Variants in SLC9C2 observed in about 807,000 individuals in gnomAD.
The protein encoded by SLC9C2 is sodium/hydrogen exchanger 11.
Under a neutral mutation model 140.2 loss-of-function variants are expected in SLC9C2, and 75 were observed. The observed-to-expected ratio is 0.53, with a 90% CI of 0.44 to 0.65. The LOEUF (loss-of-function observed/expected upper bound fraction) is 0.65, where lower values mean the gene tolerates loss of function less well. Ranked by LOEUF, SLC9C2 falls within the 30% of genes least tolerant of loss-of-function variation. The probability of loss-of-function intolerance (pLI) is 0.00; values close to 1 mark genes in which losing one functional copy is unlikely to be tolerated. For missense variants in SLC9C2, 1,074 were observed against 1,331.8 expected, an observed-to-expected ratio of 0.81 and a Z score of 3.01; for synonymous variants, 375 against 420.9, an observed-to-expected ratio of 0.89 and a Z score of 1.34.
intron 4 of SLC9C2, among the ~76,000 whole-genome samples, chr1:173,595,635 T>C (rs905170957): frequency 2.0e-5 from 3 of 151,828 alleles, no homozygotes; most frequent in East Asian, 1.9e-4. Context: ...AAATAGAACA[T>C]AAAATTTTTA....
intron 4 of SLC9C2, among the ~76,000 whole-genome samples, chr1:173,589,583 A>C (rs959414530): frequency 6.6e-6 from 1 of 152,074 alleles, no homozygotes; most frequent in African/African-American, 2.4e-5. Context: ...TATATAAATA[A>C]ATAAAAAGAA....
intron 23 of SLC9C2, among the ~76,000 whole-genome samples, chr1:173,516,470 C>A (rs1364926694): frequency 1.3e-5 from 2 of 152,290 alleles, no homozygotes; most frequent in Middle Eastern, 3.4e-3. Context: ...CTTCCACCCT[C>A]CACCCTCCAA....
intron 2 of SLC9C2, among the ~76,000 whole-genome samples, 198 bp from the exon 3 acceptor site, chr1:173,600,415 TTC>T (rs1239663090): frequency 2.0e-5 from 3 of 151,682 alleles, no homozygotes; most frequent in Non-Finnish European, 2.9e-5. Flanking sequence ...CGTACAACTA[TTC>T]TGTTTTTCAC....
chr1:173,507,442 G>C (rs772386423), intron 24 of SLC9C2, among the ~76,000 whole-genome samples: 1 of 152,080 alleles, frequency 6.6e-6, no homozygotes, highest in Non-Finnish European at 1.5e-5. Flanking sequence ...TAGAGTCTGA[G>C]CTATACTTCA....
At chr1:173,545,383 G>T (rs1421894794) in intron 13 of SLC9C2, among the ~76,000 whole-genome samples, 1 of 152,182 alleles carries the variant, frequency 6.6e-6, no homozygotes, top group Non-Finnish European at 1.5e-5. Context: ...TACAAGCATG[G>T]ATTATTTCCT....
chr1:173,601,853 A>AT lies in SLC9C2; in HGVS notation c.-78_-77insA. ...ATTGACACTTTCACTTCTGCATGCT[A>AT]ACCTGTATAGCATGCAAAAAGAACA... On this transcript the variant is annotated splice_region_variant and 5_prime_UTR_variant, in exon 2 of 28. Coordinates refer to ENST00000367714, the MANE Select transcript of SLC9C2 (RefSeq NM_178527.4). 2.6e-6 allele frequency: 4 copies of AT among 1,566,192 alleles called. No homozygotes were observed. Among genetic ancestry groups the AT allele is most frequent in the Non-Finnish European group, 3.5e-6 (4 of 1,149,998 alleles).
chr1:173,509,665 C>T lies in SLC9C2; in HGVS notation c.2942G>A (p.Gly981Asp). ...CAGAGATGGCCAGAAGGCATCAAAG[C>T]CTTCATATAAATCCTCCAGGGAGAT... ...CFISLEDLYEGFDAFWPSLEY... is the reference protein window; with the variant it reads ...CFISLEDLYEDFDAFWPSLEY... The change falls in exon 24 of 28, where the codon GGC becomes GAC. Residue 981 changes from glycine to aspartate, a missense_variant. By Grantham distance (94) the Gly-to-Asp change is moderately conservative. Transcript: ENST00000367714. 6.3e-7 allele frequency: 1 copy of T among 1,596,208 alleles called. No individual in the cohort carries two copies. Among genetic ancestry groups the T allele is most frequent in the South Asian group, 1.2e-5 (1 of 86,614 alleles).
chr1:173,505,355 G>A (rs1363970468), intron 25 of SLC9C2, 24 bp from the exon 26 acceptor site: 3 of 1,575,262 alleles, frequency 1.9e-6, no homozygotes, highest in Non-Finnish European at 2.6e-6. Context: ...GTCAAAATTA[G>A]TCAAAAGAGC....
At chr1:173,577,887 T>C (rs894108216) in intron 7 of SLC9C2, among the ~76,000 whole-genome samples, 6 of 152,224 alleles carry the variant, frequency 3.9e-5, no homozygotes, top group African/African-American at 1.4e-4. Context: ...TATCTACTTA[T>C]TTAACTGAAT....
chr1:173,563,018 C>G (rs923145235), intron 9 of SLC9C2, among the ~76,000 whole-genome samples: 1 of 151,394 alleles, frequency 6.6e-6, no homozygotes. Context: ...TGGAGGCGGA[C>G]AGCAGGGACA....
At chr1:173,586,272 A>G (rs575369632) in intron 5 of SLC9C2, among the ~76,000 whole-genome samples, 25 of 152,354 alleles carry the variant, frequency 1.6e-4, no homozygotes, top group African/African-American at 6.0e-4. Flanking sequence ...AATTTAGAAC[A>G]GAACCTCCAA....
intron 27 of SLC9C2, among the ~76,000 whole-genome samples, chr1:173,501,880 A>G (rs1193368496): frequency 6.6e-6 from 1 of 152,084 alleles, no homozygotes; most frequent in Non-Finnish European, 1.5e-5. Flanking sequence ...TCTGCAGACT[A>G]CCTTGATTAT....
At chr1:173,589,976 C>T (rs1340690449) in intron 4 of SLC9C2, among the ~76,000 whole-genome samples, 1 of 152,174 alleles carries the variant, frequency 6.6e-6, no homozygotes, top group Non-Finnish European at 1.5e-5. Context: ...GGCACCGTGG[C>T]TCACTCCTAC....
chr1:173,568,840 C>T (rs1664665597), intron 9 of SLC9C2, among the ~76,000 whole-genome samples: 1 of 151,866 alleles, frequency 6.6e-6, no homozygotes, highest in African/African-American at 2.4e-5. Flanking sequence ...AGTAGTTTAC[C>T]CACCACAATT....
At chr1:173,587,551 A>G in intron 5 of SLC9C2, 114 bp downstream of exon 5, 1 of 1,047,774 alleles carries the variant, frequency 9.5e-7, no homozygotes. Context: ...GTGAAAAAAA[A>G]AGCACAGAGT....
chr1:173,588,904 C>T (rs901153629), intron 4 of SLC9C2, among the ~76,000 whole-genome samples: 8 of 151,798 alleles, frequency 5.3e-5, no homozygotes, highest in African/African-American at 1.9e-4. Context: ...GAGACTCCCA[C>T]CTCTACAAAA....
intron 15 of SLC9C2, among the ~76,000 whole-genome samples, chr1:173,535,168 A>G (rs539220094): frequency 5.3e-4 from 80 of 152,226 alleles, no homozygotes; most frequent in African/African-American, 1.8e-3. Context: ...CTTTAAACTT[A>G]TTAAATGGAA....
chr1:173,595,184 T>C (rs1442765912), intron 4 of SLC9C2, among the ~76,000 whole-genome samples: 1 of 152,184 alleles, frequency 6.6e-6, no homozygotes, highest in Admixed American at 6.5e-5. Flanking sequence ...CAAGTAATCC[T>C]AAATCCAGAA....
chr1:173,591,247 A>G (rs1666142891), intron 4 of SLC9C2, among the ~76,000 whole-genome samples: 1 of 152,130 alleles, frequency 6.6e-6, no homozygotes, highest in African/African-American at 2.4e-5. Flanking sequence ...TCCATGGCAA[A>G]TATGTACATT....
Sources: gnomAD v4.1 joint callset for allele counts (sites outside exome capture counted in the v4.1 genomes callset) on GRCh38, gnomAD v4.1.1 for gene constraint, MANE v1.5 for transcripts, NCBI Gene and HGNC (gene_info 2026-07-23, HGNC 2026-07-21) for gene names.